Variants in CSMD1 observed in about 807,000 individuals in gnomAD.
CSMD1 encodes the protein CUB and Sushi multiple domains 1.
A neutral mutation model predicts 417.5 loss-of-function variants in CSMD1; 213 were observed. That is an observed-to-expected ratio of 0.51 (90% CI 0.46 to 0.57). The LOEUF is 0.57. CSMD1 is among the 20% of genes least tolerant of loss of function. The pLI is 0.00. For synonymous variants in CSMD1, 2,862 were observed against 1,736.8 expected (o/e 1.65, Z -16.11); for missense variants, 6,923 against 4,529.7 (o/e 1.53, Z -15.17).
chr8:3,991,578 G>C (rs562630490), intron 5 of CSMD1, among the ~76,000 whole-genome samples: 1 of 152,296 alleles, frequency 6.6e-6, no homozygotes, highest in South Asian at 2.1e-4. Flanking sequence ...ACACGTAAGA[G>C]TAGCTAGTGA....
At chr8:4,268,282 C>G (rs73188072) in intron 3 of CSMD1, among the ~76,000 whole-genome samples, 235 of 152,216 alleles carry the variant, frequency 1.5e-3, no homozygotes, top group Middle Eastern at 0.01. Context: ...TATATTTGAA[C>G]AAAATGATGA....
chr8:3,697,170 C>T (rs543451350), intron 7 of CSMD1, among the ~76,000 whole-genome samples: 50 of 152,260 alleles, frequency 3.3e-4, no homozygotes, highest in Admixed American at 9.8e-4. Flanking sequence ...TGAAACTTTT[C>T]ATTCAGTGAG....
chr8:4,724,810 A>G (rs568577477), intron 1 of CSMD1, among the ~76,000 whole-genome samples: 9 of 152,240 alleles, frequency 5.9e-5, no homozygotes, highest in East Asian at 1.9e-4. Flanking sequence ...TCAAGTTGAT[A>G]TATTCAAGTT....
intron 12 of CSMD1, among the ~76,000 whole-genome samples, chr8:3,434,104 G>A (rs746594197): frequency 2.0e-5 from 3 of 152,186 alleles, no homozygotes; most frequent in African/African-American, 7.2e-5. Context: ...GCTTTCCAGA[G>A]TAACCTTAGA....
intron 3 of CSMD1, among the ~76,000 whole-genome samples, chr8:4,229,545 T>G (rs750658496): frequency 6.6e-6 from 1 of 152,196 alleles, no homozygotes; most frequent in Non-Finnish European, 1.5e-5. Context: ...TTCTCACACT[T>G]ACCCAGCATT....
chr8:4,225,690 C>T (rs1801307268), intron 3 of CSMD1, among the ~76,000 whole-genome samples: 1 of 152,154 alleles, frequency 6.6e-6, no homozygotes, highest in Non-Finnish European at 1.5e-5. Flanking sequence ...GAAACTGTCT[C>T]ACCAGGCAAG....
chr8:4,502,057 A>G (rs1020150398), intron 2 of CSMD1, among the ~76,000 whole-genome samples: 5 of 152,150 alleles, frequency 3.3e-5, no homozygotes, highest in Admixed American at 1.3e-4. Context: ...GTCCACAAAC[A>G]AGTTAAAAAA....
At chr8:4,903,248 G>C (rs756890854) in intron 1 of CSMD1, among the ~76,000 whole-genome samples, 1 of 152,084 alleles carries the variant, frequency 6.6e-6, no homozygotes, top group African/African-American at 2.4e-5. Flanking sequence ...GCCAGACTTA[G>C]TGTGTCATCT....
intron 4 of CSMD1, among the ~76,000 whole-genome samples, chr8:4,007,711 A>C (rs1442979745): frequency 1.3e-5 from 2 of 151,920 alleles, no homozygotes; most frequent in Admixed American, 1.3e-4. Flanking sequence ...TGAAAATTGA[A>C]TGACTCTGGC....
intron 5 of CSMD1, among the ~76,000 whole-genome samples, chr8:3,848,934 A>G (rs1366119654): frequency 3.3e-5 from 5 of 150,326 alleles, no homozygotes; most frequent in Admixed American, 6.6e-5. Context: ...TATCATATAT[A>G]TATGATATAT....
At chr8:4,314,068 GCTTT>G (rs1798782378) in intron 3 of CSMD1, among the ~76,000 whole-genome samples, 1 of 151,644 alleles carries the variant, frequency 6.6e-6, no homozygotes, top group South Asian at 2.1e-4. Context: ...AGTTAAACTT[GCTTT>G]CTTTCTGTGT....
intron 2 of CSMD1, among the ~76,000 whole-genome samples, chr8:4,527,032 T>C (rs1168489821): frequency 6.6e-6 from 1 of 152,196 alleles, no homozygotes; most frequent in Non-Finnish European, 1.5e-5. Flanking sequence ...TGTATAATAT[T>C]TCATATTTTT....
In CSMD1 at chr8:4,094,714, G is replaced by C. The variant is rs143337965; in HGVS notation, c.416-62615C>G. On this transcript the variant is annotated intron_variant, in intron 3 of 69. Coordinates refer to ENST00000635120, the MANE Select transcript of CSMD1 (RefSeq NM_033225.6). ...GAAACGCCGGCTTCTAGAGAGACAG[G>C]GCAGTGGGGAGCCTCCTTCTCCATT... 3.4e-3 allele frequency among the ~76,000 whole-genome samples: 523 copies of C among 152,228 alleles called. 2 individuals carry two copies. The highest frequency in any genetic ancestry group is 0.012 in the African/African-American group (498 of 41,532).
intron 3 of CSMD1, among the ~76,000 whole-genome samples, chr8:4,304,456 G>T (rs1289028927): frequency 6.6e-6 from 1 of 152,136 alleles, no homozygotes; most frequent in Non-Finnish European, 1.5e-5. Context: ...TGACTTGCTG[G>T]AAGTCACCCA....
chr8:3,903,409 G>C (rs78570743), intron 5 of CSMD1, among the ~76,000 whole-genome samples: 4,056 of 152,084 alleles, frequency 0.027, 63 homozygotes, highest in Admixed American at 0.034. Context: ...TCCAATGCCA[G>C]AGCATTAATA....
chr8:3,307,453 T>C (rs1804963403), intron 25 of CSMD1, among the ~76,000 whole-genome samples: 1 of 152,154 alleles, frequency 6.6e-6, no homozygotes. Flanking sequence ...GATAGTTTGT[T>C]ATGCAGCAGA....
intron 55 of CSMD1, among the ~76,000 whole-genome samples, chr8:2,978,274 C>T (rs951241995): frequency 2.0e-5 from 3 of 152,134 alleles, no homozygotes; most frequent in Non-Finnish European, 2.9e-5. Flanking sequence ...TCCTGGCTGC[C>T]GTGTCTGAGC....
intron 2 of CSMD1, among the ~76,000 whole-genome samples, chr8:4,501,193 T>TAC (rs1802243446): frequency 6.6e-6 from 1 of 152,132 alleles, no homozygotes; most frequent in African/African-American, 2.4e-5. Context: ...TGTGTATATA[T>TAC]ACACATATAT....
intron 3 of CSMD1, among the ~76,000 whole-genome samples, chr8:4,052,981 C>A (rs1585212829): frequency 6.6e-6 from 1 of 152,128 alleles, no homozygotes; most frequent in African/African-American, 2.4e-5. Flanking sequence ...TGAGGGCCCC[C>A]TTACTCTCAG....
Sources: gnomAD v4.1 joint callset for allele counts (sites outside exome capture counted in the v4.1 genomes callset) on GRCh38, gnomAD v4.1.1 for gene constraint, MANE v1.5 for transcripts, NCBI Gene and HGNC (gene_info 2026-07-23, HGNC 2026-07-21) for gene names.